The following VPS50 variants were observed in gnomAD, a reference collection of about 807,000 sequenced individuals.
The protein encoded by VPS50 is syndetin.
In VPS50, 70 loss-of-function variants were observed where a neutral mutation model predicts 139.7. The observed-to-expected ratio is 0.50, with a 90% CI of 0.41 to 0.61. The LOEUF is 0.61. VPS50 is among the 20% of genes least tolerant of loss of function. The probability of loss-of-function intolerance (pLI) is 0.00; values close to 1 mark genes in which losing one functional copy is unlikely to be tolerated. For missense variants in VPS50, 921 were observed against 1,133.7 expected (o/e 0.81, Z 2.69); for synonymous variants, 365 against 376.7 (o/e 0.97, Z 0.36).
chr7:93,271,881 A>T (rs1427610794), intron 10 of VPS50, among the ~76,000 whole-genome samples: 8 of 151,890 alleles, frequency 5.3e-5, no homozygotes, highest in African/African-American at 1.9e-4. Flanking sequence ...AAGAGTATTT[A>T]TAAAAGTTGA....
At chr7:93,308,349 G>T (rs926884576) in intron 18 of VPS50, among the ~76,000 whole-genome samples, 1 of 151,692 alleles carries the variant, frequency 6.6e-6, no homozygotes, top group Non-Finnish European at 1.5e-5. Context: ...AGCTGCCCTC[G>T]GAATTAAATT....
intron 22 of VPS50, among the ~76,000 whole-genome samples, chr7:93,335,082 T>C (rs1798035553): frequency 6.6e-6 from 1 of 152,222 alleles, no homozygotes; most frequent in Admixed American, 6.5e-5. Context: ...ACAATTGTTA[T>C]ATGCCAGGCA....
intron 20 of VPS50, among the ~76,000 whole-genome samples, chr7:93,312,283 G>C (rs1025435987): frequency 6.6e-6 from 1 of 152,144 alleles, no homozygotes; most frequent in Non-Finnish European, 1.5e-5. Flanking sequence ...TCTTCCAAGA[G>C]AACTGACTGA....
At chr7:93,356,347 G>A (rs1290346328) in intron 27 of VPS50, among the ~76,000 whole-genome samples, 1 of 152,044 alleles carries the variant, frequency 6.6e-6, no homozygotes, top group Non-Finnish European at 1.5e-5. Flanking sequence ...CAAGACATTA[G>A]CTATATTTTT....
chr7:93,315,026 G>A (rs1013616982), intron 20 of VPS50, among the ~76,000 whole-genome samples: 2 of 152,100 alleles, frequency 1.3e-5, no homozygotes, highest in African/African-American at 4.8e-5. Context: ...CAGACAAAAC[G>A]ACTCAGTTTC....
chr7:93,290,492 T>G (rs1796618078), intron 12 of VPS50, among the ~76,000 whole-genome samples: 1 of 151,798 alleles, frequency 6.6e-6, no homozygotes, highest in Non-Finnish European at 1.5e-5. Flanking sequence ...CTATTCATTC[T>G]TATTTCCTCA....
chr7:93,259,860 T>C (rs1413658886), intron 9 of VPS50, among the ~76,000 whole-genome samples: 1 of 152,126 alleles, frequency 6.6e-6, no homozygotes, highest in Non-Finnish European at 1.5e-5. Context: ...TTGAAACTCA[T>C]TTTTCATATT....
chr7:93,272,900 G>T, intron 11 of VPS50, 167 bp downstream of exon 11: 1 of 483,622 alleles, frequency 2.1e-6, no homozygotes, highest in Non-Finnish European at 3.6e-6. Context: ...TAGACTCAGA[G>T]GGTATATAAT....
intron 9 of VPS50, among the ~76,000 whole-genome samples, chr7:93,265,326 G>A (rs1222496090): frequency 6.6e-6 from 1 of 152,032 alleles, no homozygotes; most frequent in Non-Finnish European, 1.5e-5. Context: ...CATGCCATAC[G>A]TCTCTGTTGC....
At chr7:93,338,537 A>AGC (rs1026143417) in intron 22 of VPS50, among the ~76,000 whole-genome samples, 2 of 152,178 alleles carry the variant, frequency 1.3e-5, no homozygotes, top group Non-Finnish European at 2.9e-5. Context: ...TATGGTGCCA[A>AGC]GCACTGTTCT....
intron 2 of VPS50, among the ~76,000 whole-genome samples, chr7:93,248,111 CAT>C (rs1795210212): frequency 6.6e-6 from 1 of 151,772 alleles, no homozygotes; most frequent in Non-Finnish European, 1.5e-5. Context: ...TATTATGTGA[CAT>C]AAAATTTATT....
intron 12 of VPS50, among the ~76,000 whole-genome samples, chr7:93,282,748 A>G (rs1381813420): frequency 6.6e-6 from 1 of 152,232 alleles, no homozygotes; most frequent in African/African-American, 2.4e-5. Flanking sequence ...ATAGGTGAGT[A>G]GACCTTTCTT....
intron 23 of VPS50, among the ~76,000 whole-genome samples, chr7:93,344,469 C>A (rs957190199): frequency 1.3e-5 from 2 of 152,192 alleles, no homozygotes; most frequent in African/African-American, 4.8e-5. Context: ...CTCAGCTCTG[C>A]ATCAAGCAGA....
chr7:93,338,628 G>A (rs1486628645), intron 22 of VPS50, among the ~76,000 whole-genome samples: 1 of 152,158 alleles, frequency 6.6e-6, no homozygotes, highest in Non-Finnish European at 1.5e-5. Context: ...TTTTCTAGTA[G>A]GGGGAAGATA....
intron 26 of VPS50, among the ~76,000 whole-genome samples, chr7:93,355,341 G>T (rs903175395): frequency 2.4e-4 from 37 of 152,178 alleles, no homozygotes; most frequent in African/African-American, 7.5e-4. Flanking sequence ...CACTGTTTCA[G>T]TAGTGTAGAA....
At chr7:93,308,993 A>C in intron 19 of VPS50, 51 bp downstream of exon 19, 2 of 947,214 alleles carry the variant, frequency 2.1e-6, no homozygotes, top group South Asian at 3.0e-5. Flanking sequence ...TGTGCTCTTA[A>C]CATATAGGAT....
At chr7:93,347,622 T>A (rs990842624) in intron 23 of VPS50, among the ~76,000 whole-genome samples, 8 of 144,702 alleles carry the variant, frequency 5.5e-5, no homozygotes, top group Non-Finnish European at 1.2e-4. Flanking sequence ...GTGGCACATA[T>A]ACAGCATGGA....
chr7:93,277,612 A>G (rs1796198113), intron 12 of VPS50, among the ~76,000 whole-genome samples: 1 of 152,310 alleles, frequency 6.6e-6, no homozygotes, highest in African/African-American at 2.4e-5. Context: ...TATATGATGT[A>G]TTAAAGATTA....
chr7:93,291,504 G>A (rs537714667), intron 12 of VPS50, among the ~76,000 whole-genome samples, 199 bp from the exon 13 acceptor site: 66 of 151,952 alleles, frequency 4.3e-4, no homozygotes, highest in Non-Finnish European at 8.2e-4. Flanking sequence ...TTCTTAATGT[G>A]TACGAAAAAG....
Sources: allele counts gnomAD v4.1 joint callset (sites outside exome capture counted in the v4.1 genomes callset), GRCh38; gene constraint gnomAD v4.1.1; transcripts MANE v1.5; gene names NCBI Gene and HGNC (gene_info 2026-07-23, HGNC 2026-07-21).